CDH8: variants seen among roughly 807,000 people sequenced by gnomAD.
CDH8 encodes the protein cadherin 8.
CDH8 carries 17 observed loss-of-function variants against 68.1 expected under a neutral mutation model. The ratio of observed to expected loss-of-function variants is 0.25; its 90% CI spans 0.17 to 0.37. The LOEUF is 0.37. CDH8 is among the 10% of genes least tolerant of loss of function. The pLI is 1.00. For missense variants in CDH8, 763 were observed against 999.3 expected (o/e 0.76, Z 3.19); for synonymous variants, 372 against 365.1 (o/e 1.02, Z -0.21).
chr16:61,826,930 T>C (rs1367872679), intron 4 of CDH8, among the ~76,000 whole-genome samples: 1 of 151,904 alleles, frequency 6.6e-6, no homozygotes, highest in African/African-American at 2.4e-5. Flanking sequence ...TTCAATGCAA[T>C]GCTTTGTTTC....
intron 10 of CDH8, among the ~76,000 whole-genome samples, chr16:61,672,637 A>G (rs1425151062): frequency 1.3e-5 from 2 of 152,108 alleles, no homozygotes; most frequent in African/African-American, 4.8e-5. Flanking sequence ...TTTGAAACAA[A>G]GCAGAAAGCT....
At chr16:61,699,624 G>T (rs1382542336) in intron 10 of CDH8, among the ~76,000 whole-genome samples, 1 of 151,976 alleles carries the variant, frequency 6.6e-6, no homozygotes, top group Non-Finnish European at 1.5e-5. Flanking sequence ...ACCCAGGCTG[G>T]AGTACAATGG....
At chr16:61,705,895 A>G (rs1209992521) in intron 10 of CDH8, among the ~76,000 whole-genome samples, 1 of 152,242 alleles carries the variant, frequency 6.6e-6, no homozygotes, top group Non-Finnish European at 1.5e-5. Flanking sequence ...TCAAATTGTT[A>G]TAAGACAGAG....
intron 1 of CDH8, among the ~76,000 whole-genome samples, chr16:62,025,154 G>A (rs566781189): frequency 6.6e-6 from 1 of 152,144 alleles, no homozygotes; most frequent in African/African-American, 2.4e-5. Flanking sequence ...GGGGGTATAA[G>A]TGAAAGAACA....
intron 4 of CDH8, among the ~76,000 whole-genome samples, chr16:61,832,205 G>A (rs1055335404): frequency 3.3e-5 from 5 of 151,646 alleles, no homozygotes; most frequent in African/African-American, 1.2e-4. Context: ...GAAACACTTA[G>A]ATAAACACAT....
At chr16:61,689,697 G>A (rs1336378235) in intron 10 of CDH8, among the ~76,000 whole-genome samples, 1 of 152,010 alleles carries the variant, frequency 6.6e-6, no homozygotes, top group Non-Finnish European at 1.5e-5. Context: ...TGTTCATTAT[G>A]ATTGCAGAAT....
At chr16:61,949,612 C>T (rs1316574308) in intron 2 of CDH8, among the ~76,000 whole-genome samples, 1 of 152,028 alleles carries the variant, frequency 6.6e-6, no homozygotes, top group Non-Finnish European at 1.5e-5. Flanking sequence ...ACCGAGAACC[C>T]ACTGGAAGGA....
intron 3 of CDH8, among the ~76,000 whole-genome samples, chr16:61,874,743 G>T (rs1178000584): frequency 6.6e-6 from 1 of 152,090 alleles, no homozygotes; most frequent in African/African-American, 2.4e-5. Context: ...CAAAAAAGTG[G>T]TTCCATTATT....
chr16:61,869,313 A>T (rs1220179395), intron 3 of CDH8, among the ~76,000 whole-genome samples: 2 of 152,052 alleles, frequency 1.3e-5, no homozygotes, highest in East Asian at 3.9e-4. Flanking sequence ...TATTGCCTAG[A>T]CTGTAACCTA....
chr16:61,781,895 G>A (rs1961066705), intron 8 of CDH8, among the ~76,000 whole-genome samples: 2 of 152,122 alleles, frequency 1.3e-5, no homozygotes. Flanking sequence ...CATGTTACAA[G>A]GAGAAACTGC....
chr16:61,793,389 T>G (rs1049901023), intron 7 of CDH8, among the ~76,000 whole-genome samples: 1 of 151,930 alleles, frequency 6.6e-6, no homozygotes, highest in Non-Finnish European at 1.5e-5. Flanking sequence ...TTAGTTATTT[T>G]TTCTGATCCT....
At chr16:61,782,504 G>A (rs527723243) in intron 8 of CDH8, among the ~76,000 whole-genome samples, 54 of 152,090 alleles carry the variant, frequency 3.6e-4, no homozygotes, top group African/African-American at 1.3e-3. Context: ...CAGCAGCGAG[G>A]CTGGGGGAGG....
intron 2 of CDH8, among the ~76,000 whole-genome samples, chr16:61,967,297 T>C (rs115245087): frequency 0.023 from 3,442 of 152,298 alleles, 50 homozygotes; most frequent in African/African-American, 0.048. Context: ...ACATATCCCA[T>C]GTATGGATGA....
chr16:61,665,752 TTTCCTTCCTTCC>T (rs35414891), intron 10 of CDH8, among the ~76,000 whole-genome samples: 5,187 of 99,664 alleles, frequency 0.052, 337 homozygotes, highest in East Asian at 0.29. Flanking sequence ...CTGAATTTAT[TTTCCTTCCTTCC>T]TTCCTTCCTT....
At chr16:61,972,628 T>A (rs1164632044) in intron 2 of CDH8, among the ~76,000 whole-genome samples, 2 of 148,510 alleles carry the variant, frequency 1.3e-5, no homozygotes, top group African/African-American at 5.0e-5. Flanking sequence ...TTGGGCCTGG[T>A]TCCCAGAGTT....
intron 2 of CDH8, among the ~76,000 whole-genome samples, chr16:61,905,709 G>A (rs537415493): frequency 6.6e-6 from 1 of 152,168 alleles, no homozygotes; most frequent in African/African-American, 2.4e-5. Context: ...TGGGGACTGT[G>A]AGAGCATACA....
chr16:61,912,690 G>A (rs936708775), intron 2 of CDH8, among the ~76,000 whole-genome samples: 8 of 152,052 alleles, frequency 5.3e-5, no homozygotes, highest in Non-Finnish European at 1.0e-4. Context: ...GACCAGATAT[G>A]ATCTTGGGCA....
At chr16:61,675,272 A>T (rs991898885) in intron 10 of CDH8, among the ~76,000 whole-genome samples, 18 of 152,108 alleles carry the variant, frequency 1.2e-4, no homozygotes, top group African/African-American at 3.9e-4. Flanking sequence ...TGCAGCCATA[A>T]AAAATGATGA....
At chr16:61,682,279 G>C (rs1013773061) in intron 10 of CDH8, among the ~76,000 whole-genome samples, 1 of 151,692 alleles carries the variant, frequency 6.6e-6, no homozygotes, top group Non-Finnish European at 1.5e-5. Flanking sequence ...CATGTATTAG[G>C]AAAAAATAGT....
Sources: allele counts gnomAD v4.1 joint callset (sites outside exome capture counted in the v4.1 genomes callset), GRCh38; gene constraint gnomAD v4.1.1; transcripts MANE v1.5; gene names NCBI Gene and HGNC (gene_info 2026-07-23, HGNC 2026-07-21).